ZNF10: variants seen among roughly 807,000 people sequenced by gnomAD.
ZNF10 encodes zinc finger protein 10, also known as zinc finger protein 10 (KOX 1).
ZNF10 carries 8 observed loss-of-function variants against 12.2 expected under a neutral mutation model. The observed-to-expected ratio is 0.66, with a 90% CI of 0.39 to 1.18. The LOEUF is 1.18. ZNF10 is among the 50% of genes most tolerant of loss of function. The pLI, the probability that ZNF10 is intolerant of heterozygous loss-of-function variation, is 0.01. For synonymous variants in ZNF10, 229 were observed against 228.2 expected (o/e 1.00, Z -0.03); for missense variants, 603 against 678.9 (o/e 0.89, Z 1.24).
At chr12:133,134,278 A>T (rs908239689) in intron 1 of ZNF10, among the ~76,000 whole-genome samples, 4 of 152,070 alleles carry the variant, frequency 2.6e-5, no homozygotes, top group African/African-American at 7.2e-5. Flanking sequence ...GCTTCACTGC[A>T]CTCCAGCCTG....
chr12:133,145,812 C>T (rs545069127), intron 2 of ZNF10, among the ~76,000 whole-genome samples: 2 of 137,688 alleles, frequency 1.5e-5, no homozygotes, highest in Admixed American at 1.4e-4. Context: ...CCCACCCCCC[C>T]ACCCCCACAA....
intron 4 of ZNF10, among the ~76,000 whole-genome samples, chr12:133,154,088 G>A (rs1956024513): frequency 6.6e-6 from 1 of 150,796 alleles, no homozygotes; most frequent in South Asian, 2.1e-4. Flanking sequence ...GAGATACTGA[G>A]GATTAAAACT....
chr12:133,144,317 T>G (rs1955963289), intron 1 of ZNF10, 117 bp from the exon 2 acceptor site: 1 of 522,310 alleles, frequency 1.9e-6, no homozygotes, highest in Non-Finnish European at 3.4e-6. Context: ...TCTCTGATGT[T>G]CCTCTGTATA....
chr12:133,145,572 G>T (rs930379239), intron 2 of ZNF10, among the ~76,000 whole-genome samples: 10 of 152,208 alleles, frequency 6.6e-5, no homozygotes, highest in African/African-American at 2.2e-4. Flanking sequence ...CACTTTGGGA[G>T]GCTGAGGTGC....
intron 3 of ZNF10, 69 bp downstream of exon 3, chr12:133,151,223 T>C (rs1426453633): frequency 1.3e-6 from 2 of 1,497,920 alleles, no homozygotes; most frequent in African/African-American, 1.4e-5. Flanking sequence ...CCCTGAAGCA[T>C]GTATCACACC....
rs886075930 is a variant in ZNF10 at position 133,151,828 on chromosome 12, A to C, written c.180A>C (p.Pro60=). The stretch of plus-strand genomic sequence containing the variant: ...GAACAGGTTATCAGCTTACTAAGCC[A>C]GATGTGATCCTCCGGTTGGAGAAGG... ...LVSLGYQLTK[P]DVILRLEKGE... The change falls in exon 4 of 5, where the codon CCA becomes CCC. Residue 60 remains proline (P), a synonymous_variant. Coordinates refer to ENST00000248211, the MANE Select transcript of ZNF10 (RefSeq NM_015394.5). 1 of 1,613,474 alleles carries C rather than the reference A, an allele frequency of 6.2e-7. No homozygotes were observed. The highest frequency in any genetic ancestry group is 1.3e-5 in the African/African-American group (1 of 75,018).
intron 1 of ZNF10, among the ~76,000 whole-genome samples, chr12:133,140,950 G>A (rs1002993991): frequency 2.7e-4 from 7 of 26,198 alleles, no homozygotes; most frequent in Middle Eastern, 0.015. Flanking sequence ...TAGTACATAC[G>A]TGTGAGGAAA....
At chr12:133,140,080 T>A (rs951672428) in intron 1 of ZNF10, among the ~76,000 whole-genome samples, 4 of 151,374 alleles carry the variant, frequency 2.6e-5, no homozygotes, top group Admixed American at 2.6e-4. Flanking sequence ...GTATGTGCCT[T>A]TGGTCCCAGA....
chr12:133,150,475 T>C (rs185646172), intron 2 of ZNF10, among the ~76,000 whole-genome samples: 56 of 152,298 alleles, frequency 3.7e-4, no homozygotes, highest in Middle Eastern at 6.8e-3. Flanking sequence ...TCAACACTTA[T>C]TTTTGATGTG....
At chr12:133,138,495 A>C (rs531732830) in intron 1 of ZNF10, among the ~76,000 whole-genome samples, 3 of 152,050 alleles carry the variant, frequency 2.0e-5, no homozygotes, top group African/African-American at 7.2e-5. Context: ...CCTCCCTGGG[A>C]TGCCAGTACT....
chr12:133,139,886 C>T (rs990700315), intron 1 of ZNF10, among the ~76,000 whole-genome samples: 1 of 151,850 alleles, frequency 6.6e-6, no homozygotes, highest in African/African-American at 2.4e-5. Context: ...ATAATGAGAC[C>T]CCTATCGCTG....
intron 1 of ZNF10, among the ~76,000 whole-genome samples, chr12:133,133,873 C>T (rs1216966949): frequency 5.9e-5 from 9 of 152,048 alleles, no homozygotes; most frequent in Non-Finnish European, 8.8e-5. Flanking sequence ...ATCCCCAGCA[C>T]CTGGGAATAT....
At position 133,153,657 on chromosome 12, in the gene ZNF10, A is replaced by G. The variant is rs538645902; in HGVS notation, c.256+1753A>G. 6.6e-5 allele frequency among the ~76,000 whole-genome samples: 10 copies of G among 152,288 alleles called. No homozygotes were observed. The South Asian group carries it at 1.9e-3, about 28-fold the overall frequency. On this transcript the variant is annotated intron_variant, in intron 4 of 4. Transcript: ENST00000248211. ...ACAGGACTGGTCGGGGTGGGATTGT[A>G]TAAGGAAGTCATTTAGGGACCAGGC...
Position 133,151,933 on chromosome 12 carries a change from C to T in ZNF10, c.256+29C>T, listed in dbSNP as rs199796493. 1.8e-4 allele frequency: 289 copies of T among 1,585,648 alleles called. 1 individual carries two copies. In the Middle Eastern group the frequency reaches 2.1e-3, roughly 12 times the overall value. ...AGGACCAGTCAAGAGTTGTCATAGG[C>T]AGCAGCCCAGATGGGCTGTGAGGTG... On this transcript the variant is annotated intron_variant, in intron 4 of 4. Transcript: ENST00000248211.
chr12:133,134,237 C>T (rs1273074425), intron 1 of ZNF10, among the ~76,000 whole-genome samples: 5 of 151,520 alleles, frequency 3.3e-5, no homozygotes, highest in Admixed American at 6.6e-5. Context: ...CACTTGAACC[C>T]AAGAGGCGGC....
chr12:133,152,572 C>T (rs1053067951), intron 4 of ZNF10, among the ~76,000 whole-genome samples: 1 of 152,118 alleles, frequency 6.6e-6, no homozygotes. Flanking sequence ...TGCACCACCA[C>T]GCCCAGCTAA....
chr12:133,132,606 G>C (rs1182776619), intron 1 of ZNF10, among the ~76,000 whole-genome samples: 4 of 152,096 alleles, frequency 2.6e-5, no homozygotes, highest in African/African-American at 9.7e-5. Flanking sequence ...TTCATCAGCA[G>C]TACTCTTTCT....
chr12:133,135,179 A>G (rs1955903800), intron 1 of ZNF10, among the ~76,000 whole-genome samples: 1 of 152,194 alleles, frequency 6.6e-6, no homozygotes, highest in Admixed American at 6.5e-5. Flanking sequence ...TAGTGTGCGC[A>G]TATAGAATTG....
chr12:133,156,744 C>A lies in ZNF10; in HGVS notation c.1498C>A (p.Arg500=). The part of the protein sequence containing the change: ...ECCQCGKAFI[R]KNDLIKHQRI... ...CTGTCAGTGTGGGAAAGCCTTCATC[C>A]GGAAGAATGACCTCATTAAGCACCA... The change falls in exon 5 of 5, where the codon CGG becomes AGG. Residue 500 remains arginine (R), a synonymous_variant. Coordinates refer to ENST00000248211, the MANE Select transcript of ZNF10 (RefSeq NM_015394.5). 1 of 1,608,052 alleles carries A rather than the reference C, an allele frequency of 6.2e-7. No homozygotes were observed. Among genetic ancestry groups the A allele is most frequent in the Non-Finnish European group, 8.5e-7 (1 of 1,177,812 alleles).
Sources: gnomAD v4.1 joint callset for allele counts (sites outside exome capture counted in the v4.1 genomes callset) on GRCh38, gnomAD v4.1.1 for gene constraint, MANE v1.5 for transcripts, NCBI Gene and HGNC (gene_info 2026-07-23, HGNC 2026-07-21) for gene names.